The following RALYL variants were observed in gnomAD, a reference collection of about 807,000 sequenced individuals.
The protein encoded by RALYL is RNA-binding Raly-like protein.
Under a neutral mutation model 35.1 loss-of-function variants are expected in RALYL, and 29 were observed. The ratio of observed to expected loss-of-function variants is 0.83; its 90% CI spans 0.61 to 1.13. RALYL has a LOEUF of 1.13. RALYL is among the 50% of genes most tolerant of loss of function. The probability of loss-of-function intolerance (pLI) is 0.00; values close to 1 mark genes in which losing one functional copy is unlikely to be tolerated. For synonymous variants in RALYL, 120 were observed against 127.6 expected (o/e 0.94, Z 0.40); for missense variants, 359 against 360.4 (o/e 1.00, Z 0.03).
intron 1 of RALYL, among the ~76,000 whole-genome samples, chr8:84,306,424 G>C (rs1841825899): frequency 6.6e-6 from 1 of 152,124 alleles, no homozygotes; most frequent in South Asian, 2.1e-4. Flanking sequence ...ACCATCTTTT[G>C]ATAAGTATAG....
chr8:84,477,251 C>T (rs373633955), intron 1 of RALYL, among the ~76,000 whole-genome samples: 1 of 151,966 alleles, frequency 6.6e-6, no homozygotes. Context: ...GCATCCATGT[C>T]CTATTTTTAA....
intron 2 of RALYL, among the ~76,000 whole-genome samples, chr8:84,655,477 CA>C (rs1829784599): frequency 6.6e-6 from 1 of 151,972 alleles, no homozygotes; most frequent in African/African-American, 2.4e-5. Context: ...TACAGGTGCA[CA>C]TCACCATGCG....
intron 1 of RALYL, among the ~76,000 whole-genome samples, chr8:84,191,900 TTAC>T (rs1161393289): frequency 1.3e-5 from 2 of 152,180 alleles, no homozygotes; most frequent in African/African-American, 2.4e-5. Context: ...AATTAGAAAA[TTAC>T]TATTTGTAAC....
Position 84,607,381 on chromosome 8 carries a change from G to A in RALYL, c.256+77804G>A, listed in dbSNP as rs944424671. Among the ~76,000 whole-genome samples the A allele has an allele frequency of 9.9e-5, 15 of 152,056 alleles. 1 individual carries two copies. The highest frequency in any genetic ancestry group is 7.4e-5 in the Non-Finnish European group (5 of 67,994). ...TAGAGTAATTAAATATGAACTCAGA[G>A]TAATTATAAATTCAAAATGATTTTT... On this transcript the variant is annotated intron_variant, in intron 2 of 8. Transcript: ENST00000521268.
At chr8:84,567,952 T>G (rs1265462178) in intron 2 of RALYL, among the ~76,000 whole-genome samples, 1 of 151,838 alleles carries the variant, frequency 6.6e-6, no homozygotes. Flanking sequence ...CTCTCTCTGG[T>G]TAAATGATGT....
At position 84,638,871 on chromosome 8, in the gene RALYL, A is replaced by ATATAT. The variant is rs1825650615; in HGVS notation, c.256+109294_256+109295insTATAT. On this transcript the variant is annotated intron_variant, in intron 2 of 8. Transcript: ENST00000521268. ...AATACGAGTATCTAATGCACGCATA[A>ATATAT]ATATATATATATATATATATATATA... Among the ~76,000 whole-genome samples, 48 of 86,276 alleles carry ATATAT rather than the reference A, an allele frequency of 5.6e-4. 7 individuals carry two copies. The highest frequency in any genetic ancestry group is 1.7e-3 in the African/African-American group (23 of 13,222). The allele number at this position is 86,276 out of a possible 152,430, so 56.6% of individuals were successfully genotyped here.
At chr8:84,498,765 A>G (rs2056353062) in intron 1 of RALYL, among the ~76,000 whole-genome samples, 1 of 152,182 alleles carries the variant, frequency 6.6e-6, no homozygotes, top group Non-Finnish European at 1.5e-5. Flanking sequence ...ACTCTTATAT[A>G]TTATCAAAGA....
At chr8:84,404,129 T>A (rs2043214652) in intron 1 of RALYL, among the ~76,000 whole-genome samples, 1 of 152,094 alleles carries the variant, frequency 6.6e-6, no homozygotes, top group South Asian at 2.1e-4. Flanking sequence ...AACAGATAAT[T>A]TGACTTCCTC....
chr8:84,381,164 C>T (rs930439195), intron 1 of RALYL, among the ~76,000 whole-genome samples: 4 of 151,888 alleles, frequency 2.6e-5, no homozygotes, highest in East Asian at 1.9e-4. Context: ...ACGACAGCCA[C>T]GACCCTGTTT....
At chr8:84,902,756 G>T (rs1213675781) in intron 8 of RALYL, among the ~76,000 whole-genome samples, 1 of 152,104 alleles carries the variant, frequency 6.6e-6, no homozygotes, top group Non-Finnish European at 1.5e-5. Flanking sequence ...AGTCTCTGAG[G>T]CTCACTTCCA....
At chr8:84,423,969 G>C (rs1044941181) in intron 1 of RALYL, among the ~76,000 whole-genome samples, 1 of 151,706 alleles carries the variant, frequency 6.6e-6, no homozygotes, top group Non-Finnish European at 1.5e-5. Context: ...CTTTCTCTCT[G>C]GCTGCCCTTA....
intron 1 of RALYL, among the ~76,000 whole-genome samples, chr8:84,228,762 C>T (rs533466568): frequency 6.1e-4 from 93 of 152,218 alleles, no homozygotes; most frequent in African/African-American, 2.1e-3. Context: ...AGGACACCTA[C>T]GGTCATGGCA....
intron 1 of RALYL, among the ~76,000 whole-genome samples, chr8:84,495,491 TA>T (rs2055897059): frequency 6.6e-6 from 1 of 152,070 alleles, no homozygotes; most frequent in African/African-American, 2.4e-5. Flanking sequence ...TAAAAATATC[TA>T]ACAAAAATGG....
At chr8:84,292,104 G>C (rs1220158569) in intron 1 of RALYL, among the ~76,000 whole-genome samples, 1 of 151,898 alleles carries the variant, frequency 6.6e-6, no homozygotes, top group Admixed American at 6.6e-5. Context: ...CTGAATTTTG[G>C]ATATAATAAA....
Position 84,357,771 on chromosome 8 carries a change from A to ATATATATT in RALYL, c.-23-171512_-23-171505dup, listed in dbSNP as rs528010177. On this transcript the variant is annotated intron_variant, in intron 1 of 8. Transcript: ENST00000521268. ...TTTAGCTTGTCGTATATATATAAATATATATATTTATATATTTATATATAT... is the reference window on the plus strand; with the variant it reads ...TTTAGCTTGTCGTATATATATAAATATATATATTTATATATTTATATATTTATATATAT... Among the ~76,000 whole-genome samples the ATATATATT allele has an allele frequency of 8.7e-3, 1,281 of 147,308 alleles. 14 individuals carry two copies. The highest frequency in any genetic ancestry group is 0.03 in the African/African-American group (1,208 of 40,682).
chr8:84,773,759 C>T (rs186011231), intron 2 of RALYL, among the ~76,000 whole-genome samples: 8 of 152,246 alleles, frequency 5.3e-5, no homozygotes, highest in Admixed American at 5.2e-4. Flanking sequence ...GATTTATGAT[C>T]AAATCCTTCT....
At chr8:84,886,220 A>T (rs557376185) in intron 7 of RALYL, among the ~76,000 whole-genome samples, 1 of 152,306 alleles carries the variant, frequency 6.6e-6, no homozygotes, top group African/African-American at 2.4e-5. Context: ...TTATTTATAA[A>T]AGTAATTATT....
intron 1 of RALYL, among the ~76,000 whole-genome samples, chr8:84,483,222 C>T (rs978312539): frequency 2.0e-5 from 3 of 152,032 alleles, no homozygotes; most frequent in African/African-American, 7.2e-5. Flanking sequence ...CTCTAACTTG[C>T]ATGGCTACAT....
chr8:84,887,593 C>T lies in RALYL; in HGVS notation c.686-11C>T, dbSNP rs769963476. 2 of 638,248 alleles carry T rather than the reference C, an allele frequency of 3.1e-6. No individual in the cohort carries two copies. The highest frequency in any genetic ancestry group is 6.8e-5 in the Admixed American group (1 of 14,718). The allele number at this position is 638,248 out of a possible 1,614,324, so 39.5% of individuals were successfully genotyped here. A position where few individuals can be genotyped will look rare whatever the true frequency, so the allele number is the denominator to read the frequency against. On this transcript the variant is annotated splice_polypyrimidine_tract_variant and intron_variant, in intron 7 of 8. Transcript: ENST00000521268. Reference sequence around the variant, plus strand: ...CCAAGGTAGTAGTCATTTGCTTTCTCCCCCCCCCAGAAGCTCAGAAGAAGC... The same window carrying T: ...CCAAGGTAGTAGTCATTTGCTTTCTTCCCCCCCCAGAAGCTCAGAAGAAGC...
Sources: allele counts gnomAD v4.1 joint callset (sites outside exome capture counted in the v4.1 genomes callset), GRCh38; gene constraint gnomAD v4.1.1; transcripts MANE v1.5; gene names NCBI Gene and HGNC (gene_info 2026-07-23, HGNC 2026-07-21).